ELMO1: variants seen among roughly 807,000 people sequenced by gnomAD.
ELMO1 encodes the protein engulfment and cell motility 1, also known as engulfment and cell motility protein 1.
A neutral mutation model predicts 98.9 loss-of-function variants in ELMO1; 26 were observed. That is an observed-to-expected ratio of 0.26 (90% CI 0.19 to 0.36). The LOEUF (loss-of-function observed/expected upper bound fraction) is 0.36, where lower values mean the gene tolerates loss of function less well. Among genes scored for constraint, ELMO1 ranks in the 10% least tolerant of loss-of-function variants. ELMO1 has a pLI of 1.00. For synonymous variants in ELMO1, 346 were observed against 346.0 expected (o/e 1.00, Z 0.00); for missense variants, 627 against 935.2 (o/e 0.67, Z 4.30).
intron 19 of ELMO1, among the ~76,000 whole-genome samples, chr7:36,871,434 TA>T (rs1235848259): frequency 2.6e-5 from 4 of 152,010 alleles, no homozygotes; most frequent in African/African-American, 7.2e-5. Context: ...AAGAAGGCAA[TA>T]GGATGGTTTG....
intron 15 of ELMO1, among the ~76,000 whole-genome samples, chr7:37,065,832 A>G (rs886201499): frequency 6.6e-6 from 1 of 152,218 alleles, no homozygotes; most frequent in African/African-American, 2.4e-5. Context: ...AAAAAGAAAC[A>G]ATCTGAAAAG....
chr7:36,897,252 G>C (rs1367099599), intron 16 of ELMO1, among the ~76,000 whole-genome samples: 1 of 151,996 alleles, frequency 6.6e-6, no homozygotes. Context: ...AGAGCTGTGA[G>C]ACTATGTCCC....
Position 37,291,220 on chromosome 7 carries a change from T to C in ELMO1, c.193-19338A>G, listed in dbSNP as rs77231299. Among the ~76,000 whole-genome samples, 1,401 of 152,234 alleles carry C rather than the reference T, an allele frequency of 9.2e-3. 25 individuals are homozygous for C. Among genetic ancestry groups the C allele is most frequent in the African/African-American group, 0.032 (1,342 of 41,530 alleles). The stretch of plus-strand genomic sequence containing the variant: ...ATACCCCCTACACACACTTTCAAAA[T>C]AGATTGATGACCTATATGAAAATCA... On this transcript the variant is annotated intron_variant, in intron 4 of 21. Transcript: ENST00000310758.
chr7:37,433,586 G>A (rs530082314), intron 1 of ELMO1, among the ~76,000 whole-genome samples: 10 of 152,086 alleles, frequency 6.6e-5, no homozygotes, highest in East Asian at 1.9e-4. Flanking sequence ...ACTTCAACCC[G>A]ATTTCACCTG....
At chr7:36,994,017 C>A (rs1243227637) in intron 16 of ELMO1, among the ~76,000 whole-genome samples, 5 of 152,142 alleles carry the variant, frequency 3.3e-5, no homozygotes, top group Admixed American at 1.3e-4. Context: ...ATTTCACACA[C>A]AAAAAAATCC....
intron 1 of ELMO1, among the ~76,000 whole-genome samples, chr7:37,395,931 T>G (rs546434065): frequency 6.6e-6 from 1 of 151,484 alleles, no homozygotes. Flanking sequence ...AGTGTCATAG[T>G]TTTTTGTAGG....
chr7:37,245,514 T>C (rs1794960949), intron 6 of ELMO1, among the ~76,000 whole-genome samples: 1 of 152,208 alleles, frequency 6.6e-6, no homozygotes. Flanking sequence ...TAAAAATGCA[T>C]ATAAAGAGAT....
rs192099283 is a variant in ELMO1, at chr7:37,122,269, C to T, written c.1191+10861G>A. Among the ~76,000 whole-genome samples the T allele has an allele frequency of 5.9e-5, 9 of 152,266 alleles. No individual in the cohort carries two copies. In the East Asian group the frequency reaches 1.7e-3, roughly 29 times the overall value. On this transcript the variant is annotated intron_variant, in intron 14 of 21. Coordinates refer to ENST00000310758, the MANE Select transcript of ELMO1 (RefSeq NM_014800.11). ...CCAGCCAACATCATAATGACAGGAT[C>T]AAATTCAAACATAACAATATTAACC... is the stretch of plus-strand genomic sequence containing the variant.
intron 13 of ELMO1, among the ~76,000 whole-genome samples, chr7:37,138,921 C>T (rs6462729): frequency 0.81 from 122,743 of 151,832 alleles, 49,795 homozygotes; most frequent in Non-Finnish European, 0.84. Flanking sequence ...TGGTTTAACA[C>T]ATATAAGTCA....
At chr7:36,903,049 T>G (rs1389601724) in intron 16 of ELMO1, among the ~76,000 whole-genome samples, 1 of 152,222 alleles carries the variant, frequency 6.6e-6, no homozygotes, top group Admixed American at 6.5e-5. Flanking sequence ...CAGCATTGCC[T>G]CTTGGGTGAA....
At chr7:37,050,995 C>T (rs1176190294) in intron 15 of ELMO1, among the ~76,000 whole-genome samples, 14 of 152,138 alleles carry the variant, frequency 9.2e-5, no homozygotes, top group Non-Finnish European at 1.5e-5. Flanking sequence ...AGACAGGATG[C>T]CCTGTCATAA....
intron 15 of ELMO1, among the ~76,000 whole-genome samples, chr7:37,055,330 G>C (rs917950491): frequency 1.3e-5 from 2 of 152,206 alleles, no homozygotes; most frequent in African/African-American, 4.8e-5. Flanking sequence ...CTGTGGATTT[G>C]GGCAGGCTGA....
intron 4 of ELMO1, among the ~76,000 whole-genome samples, chr7:37,305,510 G>A (rs1798567723): frequency 6.6e-6 from 1 of 151,836 alleles, no homozygotes; most frequent in African/African-American, 2.4e-5. Flanking sequence ...ATCAGTTGTT[G>A]CAGACTGAAA....
chr7:36,869,608 T>C (rs541766842), intron 20 of ELMO1, among the ~76,000 whole-genome samples: 2 of 152,332 alleles, frequency 1.3e-5, no homozygotes, highest in African/African-American at 4.8e-5. Context: ...CTTTTGTTCA[T>C]GAATGGTATA....
chr7:36,994,388 A>G (rs1404165037), intron 16 of ELMO1, among the ~76,000 whole-genome samples: 4 of 152,316 alleles, frequency 2.6e-5, no homozygotes, highest in Non-Finnish European at 5.9e-5. Context: ...CAATACTGGG[A>G]ACCCTCTAGG....
chr7:37,042,006 C>T (rs1305183651), intron 15 of ELMO1, among the ~76,000 whole-genome samples: 4 of 151,564 alleles, frequency 2.6e-5, no homozygotes, highest in Non-Finnish European at 2.9e-5. Flanking sequence ...GTTACATGGC[C>T]GGGCATGGTG....
chr7:37,389,536 C>T (rs1583670558), intron 1 of ELMO1, among the ~76,000 whole-genome samples: 1 of 152,194 alleles, frequency 6.6e-6, no homozygotes, highest in Admixed American at 6.5e-5. Flanking sequence ...AATGTGTACA[C>T]TTCAGTCCAC....
At chr7:36,932,440 T>C (rs1786125696) in intron 16 of ELMO1, among the ~76,000 whole-genome samples, 1 of 152,200 alleles carries the variant, frequency 6.6e-6, no homozygotes, top group African/African-American at 2.4e-5. Flanking sequence ...TTGAAATGCA[T>C]GGATGAAAAA....
At chr7:37,144,301 G>C (rs559692265) in intron 13 of ELMO1, among the ~76,000 whole-genome samples, 1 of 150,686 alleles carries the variant, frequency 6.6e-6, no homozygotes, top group Admixed American at 6.6e-5. Context: ...TTCCTTTTTT[G>C]GTTTTAATAG....
Sources: gnomAD v4.1 joint callset for allele counts (sites outside exome capture counted in the v4.1 genomes callset) on GRCh38, gnomAD v4.1.1 for gene constraint, MANE v1.5 for transcripts, NCBI Gene and HGNC (gene_info 2026-07-23, HGNC 2026-07-21) for gene names.